The following FGFRL1 variants were observed in gnomAD, a reference collection of about 807,000 sequenced individuals.
FGFRL1 encodes fibroblast growth factor receptor-like 1.
FGFRL1 carries 24 observed loss-of-function variants against 36.8 expected under a neutral mutation model. The ratio of observed to expected loss-of-function variants is 0.65; its 90% CI spans 0.47 to 0.92. The LOEUF is 0.92. Among genes scored for constraint, FGFRL1 ranks in the 40% least tolerant of loss-of-function variants. The pLI is 0.00. For missense variants in FGFRL1, 785 were observed against 753.4 expected (o/e 1.04, Z -0.49); for synonymous variants, 422 against 344.1 (o/e 1.23, Z -2.50).
At position 1,024,826 on chromosome 4, in the gene FGFRL1, C is replaced by T. The variant is rs2153027404; in HGVS notation, c.1073-79C>T. ...GCCCAGGGGCACCGTCTCCACAGCC[C>T]CTGGGATGGGTCTGGGGTGCTCTCC... On this transcript the variant is annotated intron_variant, in intron 6 of 6. Coordinates refer to ENST00000510644, the MANE Select transcript of FGFRL1 (RefSeq NM_001004356.3). 2.1e-6 allele frequency: 3 copies of T among 1,456,422 alleles called. No homozygotes were observed. The East Asian group carries it at 6.9e-5, about 34-fold the overall frequency. The allele number at this position is 1,456,422 out of a possible 1,614,324, so 90.2% of individuals were successfully genotyped here. A position where few individuals can be genotyped will look rare whatever the true frequency, so the allele number is the denominator to read the frequency against.
chr4:1,023,998 A>G lies in FGFRL1; in HGVS notation c.615A>G (p.Thr205=), dbSNP rs762776382. 2.5e-6 allele frequency: 4 copies of G among 1,606,814 alleles called. No homozygotes were observed. Among genetic ancestry groups the G allele is most frequent in the East Asian group, 2.2e-5 (1 of 44,586 alleles). ...EAAEPRKKKW[T]LSLKNLRPED... ...CTGAGCCCAGGAAGAAGAAGTGGAC[A>G]CTGAGCCTGAAGAACCTGCGGCCGG... The change falls in exon 5 of 7, where the codon ACA becomes ACG. Residue 205 remains threonine, a synonymous_variant. Transcript: ENST00000510644. The surrounding 1 kb of genome is among the most constrained non-coding windows in gnomAD (Gnocchi z 6.0).
intron 2 of FGFRL1, among the ~76,000 whole-genome samples, chr4:1,017,669 G>T (rs1715961670): frequency 6.6e-6 from 1 of 152,184 alleles, no homozygotes; most frequent in Non-Finnish European, 1.5e-5. Flanking sequence ...CAGTGTCCTG[G>T]TCCTAGCTCG....
intron 2 of FGFRL1, among the ~76,000 whole-genome samples, chr4:1,018,852 G>A (rs1048667270): frequency 6.6e-6 from 1 of 152,168 alleles, no homozygotes; most frequent in Non-Finnish European, 1.5e-5. Flanking sequence ...TCCTGCGGGG[G>A]GTCTTGGGCC....
upstream of FGFRL1, among the ~76,000 whole-genome samples, chr4:1,011,528 G>C (rs1206188037): frequency 2.7e-5 from 4 of 146,396 alleles, no homozygotes; most frequent in Non-Finnish European, 6.1e-5. Flanking sequence ...GAAAAGTTTG[G>C]CGGCGGGGCG....
chr4:1,025,286 ACTCT>A lies in FGFRL1; in HGVS notation c.1456_1459del (p.Ser486ThrfsTer93). ...GACATCCACACACACACACACACAC[ACTCT>A]CACACACACTCACACGTGGAGGGCA... is the stretch of plus-strand genomic sequence containing the variant. On this transcript the variant is annotated frameshift_variant, in exon 7 of 7. Transcript: ENST00000510644. LOFTEE classifies it high-confidence loss of function. The A allele has an allele frequency of 6.3e-7, 1 of 1,575,602 alleles. No individual in the cohort carries two copies. Among genetic ancestry groups the A allele is most frequent in the Admixed American group, 1.8e-5 (1 of 54,666 alleles).
intron 2 of FGFRL1, among the ~76,000 whole-genome samples, chr4:1,017,995 G>A (rs1715982177): frequency 2.0e-5 from 3 of 152,234 alleles, no homozygotes; most frequent in Admixed American, 2.0e-4. Flanking sequence ...GGACCACGTG[G>A]CCAGGACGGG....
Position 1,025,513 on chromosome 4 carries a change from A to G in FGFRL1, c.*166A>G, listed in dbSNP as rs1716471431. On this transcript the variant is annotated 3_prime_UTR_variant, in exon 7 of 7. Transcript: ENST00000510644. ...ATAGCCCCTGGACACACACACACAG[A>G]CACACACACTGCCTGGATGCATGTA... The G allele has an allele frequency of 2.5e-6, 2 of 800,120 alleles. No homozygotes were observed. The highest frequency in any genetic ancestry group is 3.9e-6 in the Non-Finnish European group (2 of 510,944). 49.6% of individuals were successfully genotyped at this position (800,120 alleles called of 1,614,324 possible). A position where few individuals can be genotyped will look rare whatever the true frequency, so the allele number is the denominator to read the frequency against.
intron 5 of FGFRL1, 104 bp from the exon 6 acceptor site, chr4:1,024,206 CA>C: frequency 3.5e-6 from 1 of 284,754 alleles, no homozygotes; most frequent in East Asian, 6.6e-5. Flanking sequence ...GGGGCACTGG[CA>C]GGGCTTGGGG....
intron 2 of FGFRL1, among the ~76,000 whole-genome samples, chr4:1,019,523 C>T (rs970776035): frequency 6.6e-6 from 1 of 152,190 alleles, no homozygotes; most frequent in African/African-American, 2.4e-5. Flanking sequence ...TGGGGTCAAC[C>T]TGGGGTGCGT....
At chr4:1,015,318 C>G (rs1368231245) in intron 2 of FGFRL1, among the ~76,000 whole-genome samples, 1 of 152,246 alleles carries the variant, frequency 6.6e-6, no homozygotes, top group Non-Finnish European at 1.5e-5. Flanking sequence ...GAGGCCCCCT[C>G]CAGGGCTGCA....
At chr4:1,017,378 G>A (rs1017745948) in intron 2 of FGFRL1, among the ~76,000 whole-genome samples, 4 of 152,156 alleles carry the variant, frequency 2.6e-5, no homozygotes, top group African/African-American at 4.8e-5. Context: ...CAGCTCCTCA[G>A]CGGTCAGCTC....
chr4:1,022,174 C>A (rs765148658), intron 2 of FGFRL1, 29 bp from the exon 3 acceptor site: 1 of 1,488,094 alleles, frequency 6.7e-7, no homozygotes, highest in Middle Eastern at 2.5e-4. Flanking sequence ...AGCCCCTCCT[C>A]GCTGACTGTT....
intron 2 of FGFRL1, among the ~76,000 whole-genome samples, chr4:1,017,151 G>A (rs1339025151): frequency 6.6e-6 from 1 of 152,176 alleles, no homozygotes; most frequent in African/African-American, 2.4e-5. Flanking sequence ...TTCTCCAGGA[G>A]GACTTGGGGC....
At position 1,024,009 on chromosome 4, in the gene FGFRL1, A is replaced by G; in HGVS notation, c.626A>G (p.Lys209Arg). 6.2e-7 allele frequency: 1 copy of G among 1,607,942 alleles called. No homozygotes were observed. Among genetic ancestry groups the G allele is most frequent in the Non-Finnish European group, 8.5e-7 (1 of 1,178,724 alleles). Residue 209 changes from lysine to arginine, a missense_variant, in exon 5 of 7, where the codon AAG becomes AGG. Coordinates refer to ENST00000510644, the MANE Select transcript of FGFRL1 (RefSeq NM_001004356.3). ...AAGAAGAAGTGGACACTGAGCCTGAAGAACCTGCGGCCGGAGGACAGCGGC... is the reference window on the plus strand; with the variant it reads ...AAGAAGAAGTGGACACTGAGCCTGAGGAACCTGCGGCCGGAGGACAGCGGC... ...PRKKKWTLSLKNLRPEDSGKY... is the reference protein window; with the variant it reads ...PRKKKWTLSLRNLRPEDSGKY...
chr4:1,023,908 C>A lies in FGFRL1; in HGVS notation c.525C>A (p.Ser175Arg). 6.3e-7 allele frequency: 1 copy of A among 1,577,478 alleles called. No homozygotes were observed. Among genetic ancestry groups the A allele is most frequent in the East Asian group, 2.3e-5 (1 of 42,560 alleles). ...GSSVRLKCVA[S>R]GHPRPDITWM... Reference sequence around the variant, plus strand: ...CCGTGCGGCTCAAGTGCGTGGCCAGCGGGCACCCTCGGCCCGACATCACGT... The same window carrying A: ...CCGTGCGGCTCAAGTGCGTGGCCAGAGGGCACCCTCGGCCCGACATCACGT... Residue 175 changes from serine to arginine, a missense_variant, in exon 5 of 7, where the codon AGC becomes AGA. By Grantham distance (110) the Ser-to-Arg change is moderately radical. Transcript: ENST00000510644. The surrounding 1 kb of genome is among the most constrained non-coding windows in gnomAD (Gnocchi z 6.0).
chr4:1,014,553 C>G (rs1278469838), intron 2 of FGFRL1, among the ~76,000 whole-genome samples: 4 of 152,202 alleles, frequency 2.6e-5, no homozygotes, highest in Admixed American at 2.6e-4. Flanking sequence ...GGGCAGGGTG[C>G]CTGTCCAGGG....
intron 2 of FGFRL1, among the ~76,000 whole-genome samples, chr4:1,019,261 A>G (rs995727883): frequency 3.9e-5 from 6 of 152,200 alleles, no homozygotes; most frequent in African/African-American, 1.4e-4. Context: ...GGGCTGGGTC[A>G]GTGTGCTCCC....
In FGFRL1 at chr4:1,025,438, C is replaced by G; in HGVS notation, c.*91C>G. 1 of 1,456,576 alleles carries G rather than the reference C, an allele frequency of 6.9e-7. No individual in the cohort carries two copies. Among genetic ancestry groups the G allele is most frequent in the Non-Finnish European group, 9.2e-7 (1 of 1,087,586 alleles). 90.2% of individuals were successfully genotyped at this position (1,456,576 alleles called of 1,614,324 possible). On this transcript the variant is annotated 3_prime_UTR_variant, in exon 7 of 7. Coordinates refer to ENST00000510644, the MANE Select transcript of FGFRL1 (RefSeq NM_001004356.3). ...CGGAGCTGCAGACGAAGGCAGGGGA[C>G]CCATGGCGAGGAGGAATGGCCAGCA...
At position 1,022,245 on chromosome 4, in the gene FGFRL1, C is replaced by A; in HGVS notation, c.122C>A (p.Ala41Asp). Residue 41 changes from alanine to aspartate, a missense_variant, in exon 3 of 7, where the codon GCC (alanine) becomes GAC (aspartate). Physicochemically the swap from Ala to Asp is moderately radical, Grantham distance 126. Transcript: ENST00000510644. ...GACAAGGTGGTCCCACGGCAGGTGG[C>A]CCGGCTGGGCCGCACTGTGCGGCTG... ...MADKVVPRQV[A>D]RLGRTVRLQC... is the part of the protein sequence containing the mutation. The A allele has an allele frequency of 6.4e-7, 1 of 1,553,626 alleles. No homozygotes were observed. Among genetic ancestry groups the A allele is most frequent in the South Asian group, 1.2e-5 (1 of 84,648 alleles).
Sources: gnomAD v4.1 joint callset for allele counts (sites outside exome capture counted in the v4.1 genomes callset) on GRCh38, gnomAD v4.1.1 for gene constraint, Gnocchi (gnomAD v3.1) non-coding constraint, MANE v1.5 for transcripts, NCBI Gene and HGNC (gene_info 2026-07-23, HGNC 2026-07-21) for gene names.